Variants in LDLRAD3 observed in about 807,000 individuals in gnomAD.
The protein encoded by LDLRAD3 is low-density lipoprotein receptor class A domain-containing protein 3.
LDLRAD3 carries 20 observed loss-of-function variants against 29.4 expected under a neutral mutation model. That is an observed-to-expected ratio of 0.68 (90% CI 0.48 to 0.99). The LOEUF (loss-of-function observed/expected upper bound fraction) is 0.99, where lower values mean the gene tolerates loss of function less well. Ranked by LOEUF, LDLRAD3 falls within the 50% of genes least tolerant of loss-of-function variation. LDLRAD3 has a pLI of 0.00. For synonymous variants in LDLRAD3, 157 were observed against 192.7 expected (o/e 0.81, Z 1.53); for missense variants, 420 against 454.3 (o/e 0.92, Z 0.69).
At chr11:36,045,010 C>T (rs1033491193) in intron 2 of LDLRAD3, among the ~76,000 whole-genome samples, 2 of 152,236 alleles carry the variant, frequency 1.3e-5, no homozygotes, top group Non-Finnish European at 2.9e-5. Flanking sequence ...AAGTCAGCAC[C>T]ACTCCCTATG....
At chr11:36,108,314 C>A (rs1853559316) in intron 4 of LDLRAD3, among the ~76,000 whole-genome samples, 1 of 60,656 alleles carries the variant, frequency 1.6e-5, no homozygotes. Context: ...AGCGAGACTC[C>A]ATCTCAAAAA....
chr11:36,196,472 G>A (rs1855034731), intron 4 of LDLRAD3: 1 of 152,306 alleles, frequency 6.6e-6, no homozygotes. Flanking sequence ...GGTATTCAGT[G>A]TGGCACTAAC....
intron 4 of LDLRAD3, among the ~76,000 whole-genome samples, chr11:36,144,842 G>C (rs1461182893): frequency 1.8e-5 from 2 of 113,516 alleles, no homozygotes; most frequent in African/African-American, 6.4e-5. Context: ...CCGCCCGTCC[G>C]GGAGGGAGGT....
intron 5 of LDLRAD3, among the ~76,000 whole-genome samples, chr11:36,228,779 A>C (rs1180631475): frequency 6.6e-6 from 1 of 152,198 alleles, no homozygotes. Flanking sequence ...TGCCAATTCC[A>C]TGTTCCCATC....
chr11:36,161,259 A>G (rs1854435131), intron 4 of LDLRAD3, among the ~76,000 whole-genome samples: 1 of 152,138 alleles, frequency 6.6e-6, no homozygotes, highest in Non-Finnish European at 1.5e-5. Flanking sequence ...TACATTTCTT[A>G]TATTACCCCT....
chr11:36,015,576 A>G (rs949702858), intron 1 of LDLRAD3, among the ~76,000 whole-genome samples: 2 of 151,992 alleles, frequency 1.3e-5, no homozygotes, highest in South Asian at 4.2e-4. Context: ...TGAAGTAAAC[A>G]CACCTGGGGA....
rs1311662115 is a variant in LDLRAD3, at chr11:36,167,175, T to C, written c.455-59910T>C. 2.0e-5 allele frequency among the ~76,000 whole-genome samples: 3 copies of C among 151,774 alleles called. No individual in the cohort carries two copies. The East Asian group carries it at 5.8e-4, about 29-fold the overall frequency. On this transcript the variant is annotated intron_variant, in intron 4 of 5. Transcript: ENST00000315571. ...AGCAAGCTGGAGACCAAGAGAAGAG[T>C]AGATGTTGCAGTCTTGAGTCAGAAG... is the stretch of plus-strand genomic sequence containing the variant.
chr11:36,186,200 T>C (rs1854845611), intron 4 of LDLRAD3, among the ~76,000 whole-genome samples: 1 of 152,164 alleles, frequency 6.6e-6, no homozygotes, highest in Admixed American at 6.5e-5. Flanking sequence ...GAGTTCCCCA[T>C]CTATGAAGTG....
intron 4 of LDLRAD3, among the ~76,000 whole-genome samples, chr11:36,172,544 G>A (rs1356967427): frequency 6.6e-6 from 1 of 151,926 alleles, no homozygotes; most frequent in African/African-American, 2.4e-5. Flanking sequence ...AGGGATACTG[G>A]ATTTTTGTCA....
intron 4 of LDLRAD3, among the ~76,000 whole-genome samples, chr11:36,180,391 T>C (rs1854741619): frequency 6.6e-6 from 1 of 152,112 alleles, no homozygotes; most frequent in Non-Finnish European, 1.5e-5. Flanking sequence ...AGAGACTGGT[T>C]GTACAGCAGT....
intron 1 of LDLRAD3, among the ~76,000 whole-genome samples, chr11:35,986,116 A>G (rs929943248): frequency 3.3e-5 from 5 of 152,126 alleles, no homozygotes; most frequent in Non-Finnish European, 7.3e-5. Flanking sequence ...ATCCAGGAAG[A>G]TCCAGATCCA....
intron 4 of LDLRAD3, among the ~76,000 whole-genome samples, chr11:36,147,959 C>T (rs1258543399): frequency 6.6e-6 from 1 of 152,142 alleles, no homozygotes; most frequent in Non-Finnish European, 1.5e-5. Context: ...CAACCTCCAC[C>T]TCCCAGGTTT....
At chr11:35,976,459 G>A (rs761068463) in intron 1 of LDLRAD3, among the ~76,000 whole-genome samples, 14 of 152,118 alleles carry the variant, frequency 9.2e-5, no homozygotes, top group East Asian at 1.9e-4. Context: ...GGTGGCCTCC[G>A]AAGGAGATCG....
intron 2 of LDLRAD3, among the ~76,000 whole-genome samples, chr11:36,037,274 G>A (rs1396220650): frequency 6.6e-6 from 1 of 152,132 alleles, no homozygotes; most frequent in Non-Finnish European, 1.5e-5. Flanking sequence ...TGTCTCCCTG[G>A]AAGCCAGCTG....
At chr11:36,008,145 T>C (rs1221892989) in intron 1 of LDLRAD3, among the ~76,000 whole-genome samples, 1 of 152,152 alleles carries the variant, frequency 6.6e-6, no homozygotes, top group Non-Finnish European at 1.5e-5. Flanking sequence ...TAGTTATCAT[T>C]AGGGCCATTT....
chr11:36,092,017 C>T (rs1158109524), intron 3 of LDLRAD3, among the ~76,000 whole-genome samples: 1 of 152,024 alleles, frequency 6.6e-6, no homozygotes. Context: ...TCTGAGCTGT[C>T]TGGGGTCTTT....
At chr11:36,094,254 C>T (rs1029877589) in intron 3 of LDLRAD3, among the ~76,000 whole-genome samples, 1 of 152,218 alleles carries the variant, frequency 6.6e-6, no homozygotes, top group Non-Finnish European at 1.5e-5. Context: ...TTCACTACAA[C>T]ACAGCATCAG....
chr11:36,056,816 G>T (rs1407188914), intron 2 of LDLRAD3, among the ~76,000 whole-genome samples: 1 of 152,142 alleles, frequency 6.6e-6, no homozygotes, highest in Non-Finnish European at 1.5e-5. Context: ...CACTAAATAT[G>T]TCTGGCAGGA....
Position 36,177,565 on chromosome 11 carries a change from G to A in LDLRAD3, c.455-49520G>A, listed in dbSNP as rs145211425. Among the ~76,000 whole-genome samples the A allele has an allele frequency of 1.8e-4, 27 of 152,340 alleles. No individual in the cohort carries two copies. The East Asian group carries it at 5.2e-3, about 29-fold the overall frequency. On this transcript the variant is annotated intron_variant, in intron 4 of 5. Transcript: ENST00000315571. ...TAGGGATGGGGCTTCCTGAGAGCCAGACTGCATGATTGTTATTGCTCTTCT... is the reference window on the plus strand; with the variant it reads ...TAGGGATGGGGCTTCCTGAGAGCCAAACTGCATGATTGTTATTGCTCTTCT...
Sources: gnomAD v4.1 joint callset for allele counts (sites outside exome capture counted in the v4.1 genomes callset) on GRCh38, gnomAD v4.1.1 for gene constraint, MANE v1.5 for transcripts, NCBI Gene and HGNC (gene_info 2026-07-23, HGNC 2026-07-21) for gene names.